ENOX1: variants seen among roughly 807,000 people sequenced by gnomAD.
ENOX1 encodes the protein candidate growth-related and time keeping constitutive hydroquinone (NADH) oxidase.
In ENOX1, 42 loss-of-function variants were observed where a neutral mutation model predicts 82.5. That is an observed-to-expected ratio of 0.51 (90% CI 0.40 to 0.66). The LOEUF is 0.66. Among genes scored for constraint, ENOX1 ranks in the 30% least tolerant of loss-of-function variants. The pLI is 0.00. For synonymous variants in ENOX1, 271 were observed against 282.2 expected, an observed-to-expected ratio of 0.96 and a Z score of 0.40; for missense variants, 608 against 811.6, an observed-to-expected ratio of 0.75 and a Z score of 3.05.
chr13:43,559,309 T>C (rs1055105792), intron 2 of ENOX1, among the ~76,000 whole-genome samples: 6 of 152,248 alleles, frequency 3.9e-5, no homozygotes, highest in Non-Finnish European at 5.9e-5. Flanking sequence ...GTTTTTATAC[T>C]TTTTTCTTTT....
intron 2 of ENOX1, among the ~76,000 whole-genome samples, chr13:43,582,845 T>A (rs1459222597): frequency 1.3e-5 from 2 of 152,132 alleles, no homozygotes; most frequent in East Asian, 1.9e-4. Context: ...TGCAAATAAT[T>A]TCAAAACATG....
At chr13:43,416,937 G>A (rs2054627853) in intron 3 of ENOX1, among the ~76,000 whole-genome samples, 1 of 152,202 alleles carries the variant, frequency 6.6e-6, no homozygotes, top group Admixed American at 6.5e-5. Context: ...CATTGAGTGA[G>A]TGAGACTCCG....
chr13:43,550,315 C>T (rs1218705981), intron 2 of ENOX1, among the ~76,000 whole-genome samples: 2 of 152,112 alleles, frequency 1.3e-5, no homozygotes, highest in African/African-American at 2.4e-5. Context: ...CTGTGTGAGG[C>T]ATGGTGCTGG....
intron 1 of ENOX1, among the ~76,000 whole-genome samples, chr13:43,682,823 A>C (rs944126330): frequency 2.8e-4 from 42 of 152,340 alleles, no homozygotes; most frequent in African/African-American, 8.2e-4. Context: ...GGAGCCAATT[A>C]GATTTAAGGT....
At chr13:43,457,222 T>C (rs562578564) in intron 3 of ENOX1, among the ~76,000 whole-genome samples, 1 of 152,340 alleles carries the variant, frequency 6.6e-6, no homozygotes, top group African/African-American at 2.4e-5. Context: ...TGTATTTTGT[T>C]TTGGTCTAGT....
chr13:43,365,447 A>G (rs556683220), intron 5 of ENOX1, among the ~76,000 whole-genome samples: 1 of 152,212 alleles, frequency 6.6e-6, no homozygotes, highest in Non-Finnish European at 1.5e-5. Context: ...GTGTCCTGAC[A>G]AAGTGGCTGA....
chr13:43,434,566 G>A (rs748900212), intron 3 of ENOX1, among the ~76,000 whole-genome samples: 12 of 152,172 alleles, frequency 7.9e-5, no homozygotes, highest in African/African-American at 1.7e-4. Flanking sequence ...AGGGTGGTAT[G>A]TCAGAGGATT....
intron 3 of ENOX1, among the ~76,000 whole-genome samples, chr13:43,420,084 A>G (rs1366367034): frequency 6.6e-6 from 1 of 152,248 alleles, no homozygotes; most frequent in East Asian, 1.9e-4. Flanking sequence ...CAGTAAAAAG[A>G]AAGATACATT....
chr13:43,355,717 T>A (rs1268082389), intron 8 of ENOX1, among the ~76,000 whole-genome samples: 1 of 152,158 alleles, frequency 6.6e-6, no homozygotes, highest in African/African-American at 2.4e-5. Context: ...GAAGCCCAGG[T>A]GTCTGCAGCT....
chr13:43,556,200 C>T (rs918722929), intron 2 of ENOX1, among the ~76,000 whole-genome samples: 3 of 150,126 alleles, frequency 2.0e-5, no homozygotes, highest in Non-Finnish European at 4.4e-5. Flanking sequence ...AACAAGCAAG[C>T]AACTAAAAGA....
At chr13:43,355,020 G>C (rs1392614396) in intron 8 of ENOX1, among the ~76,000 whole-genome samples, 1 of 152,196 alleles carries the variant, frequency 6.6e-6, no homozygotes, top group Non-Finnish European at 1.5e-5. Context: ...TGGTATTACA[G>C]TTAATTGTTT....
rs558871473 is a variant in ENOX1 at position 43,650,516 on chromosome 13, C to G, written c.-219+16963G>C. On this transcript the variant is annotated intron_variant, in intron 2 of 16. Coordinates refer to ENST00000690772, the MANE Select transcript of ENOX1 (RefSeq NM_001347969.2). ...AGGCTCATTAGGTCAGGGGAGGTAC[C>G]TAGAACCACTGCCCCTGGGACTTTC... is the stretch of plus-strand genomic sequence containing the variant. Among the ~76,000 whole-genome samples, 77 of 152,192 alleles carry G rather than the reference C, an allele frequency of 5.1e-4. 1 individual carries two copies. Among genetic ancestry groups the G allele is most frequent in the African/African-American group, 1.7e-3 (69 of 41,538 alleles).
chr13:43,265,548 G>A lies in ENOX1; in HGVS notation c.1555-94C>T, dbSNP rs182475112. 2,836 of 1,070,804 alleles carry A rather than the reference G, an allele frequency of 2.6e-3. 14 individuals carry two copies. Among genetic ancestry groups the A allele is most frequent in the South Asian group, 3.8e-3 (263 of 68,466 alleles). The allele number at this position is 1,070,804 out of a possible 1,614,324, so 66.3% of individuals were successfully genotyped here. On this transcript the variant is annotated intron_variant, in intron 13 of 16. Coordinates refer to ENST00000690772, the MANE Select transcript of ENOX1 (RefSeq NM_001347969.2). The stretch of plus-strand genomic sequence containing the variant: ...CATCTTGTTAACTGATTTATCTGAG[G>A]TTGCATTTTATAAAACTTCCAATGA...
intron 2 of ENOX1, among the ~76,000 whole-genome samples, chr13:43,522,281 G>C (rs1322606024): frequency 6.6e-6 from 1 of 152,128 alleles, no homozygotes; most frequent in Non-Finnish European, 1.5e-5. Context: ...CTCTGGGTAA[G>C]CTAGTATTGG....
At chr13:43,588,055 T>C (rs1247671816) in intron 2 of ENOX1, among the ~76,000 whole-genome samples, 2 of 152,230 alleles carry the variant, frequency 1.3e-5, no homozygotes, top group Non-Finnish European at 2.9e-5. Context: ...CAAATTATGC[T>C]TCTGAAGTGA....
At chr13:43,752,392 T>C (rs1169583418) in intron 1 of ENOX1, among the ~76,000 whole-genome samples, 1 of 152,346 alleles carries the variant, frequency 6.6e-6, no homozygotes, top group East Asian at 1.9e-4. Context: ...TGATGATGTC[T>C]AATTTATCAA....
chr13:43,761,113 A>G (rs573714858), intron 1 of ENOX1, among the ~76,000 whole-genome samples: 2,260 of 152,122 alleles, frequency 0.015, 50 homozygotes, highest in African/African-American at 0.05. Context: ...AGAGGCCCAA[A>G]GGTCTTCCTG....
chr13:43,739,318 C>T (rs552855005), intron 1 of ENOX1, among the ~76,000 whole-genome samples: 9 of 152,150 alleles, frequency 5.9e-5, no homozygotes, highest in East Asian at 3.9e-4. Flanking sequence ...GAGGCCAAGT[C>T]GGGCAGATTG....
chr13:43,581,125 C>CTTTTTTTTT lies in ENOX1; in HGVS notation c.-219+86345_-219+86353dup, dbSNP rs1174448355. On this transcript the variant is annotated intron_variant, in intron 2 of 16. Coordinates refer to ENST00000690772, the MANE Select transcript of ENOX1 (RefSeq NM_001347969.2). ...TAAGTTATTTTAGCACTACCTGATT[C>CTTTTTTTTT]TTTTTTTTTTTTTTTTTTTTTTTTT... Among the ~76,000 whole-genome samples the CTTTTTTTTT allele has an allele frequency of 5.1e-3, 392 of 77,100 alleles. 10 individuals carry two copies. The highest frequency in any genetic ancestry group is 6.8e-3 in the Non-Finnish European group (297 of 43,958). 50.6% of individuals were successfully genotyped at this position (77,100 alleles called of 152,430 possible).
Sources: gnomAD v4.1 joint callset for allele counts (sites outside exome capture counted in the v4.1 genomes callset) on GRCh38, gnomAD v4.1.1 for gene constraint, MANE v1.5 for transcripts, NCBI Gene and HGNC (gene_info 2026-07-23, HGNC 2026-07-21) for gene names.